PTPRG: variants seen among roughly 807,000 people sequenced by gnomAD.
PTPRG encodes receptor-type tyrosine-protein phosphatase gamma.
A neutral mutation model predicts 165.3 loss-of-function variants in PTPRG; 102 were observed. That is an observed-to-expected ratio of 0.62 (90% CI 0.53 to 0.73). The LOEUF (loss-of-function observed/expected upper bound fraction) is 0.73, where lower values mean the gene tolerates loss of function less well. PTPRG is among the 30% of genes least tolerant of loss of function. PTPRG has a pLI of 0.00. For missense variants in PTPRG, 1,866 were observed against 1,861.4 expected (o/e 1.00, Z -0.05); for synonymous variants, 675 against 669.5 (o/e 1.01, Z -0.13).
chr3:61,681,804 C>A (rs1003787003), intron 1 of PTPRG, among the ~76,000 whole-genome samples: 2 of 151,938 alleles, frequency 1.3e-5, no homozygotes, highest in Non-Finnish European at 2.9e-5. Flanking sequence ...ATGTTGTTGA[C>A]CATGGAGGAA....
chr3:62,213,396 T>A lies in PTPRG; in HGVS notation c.2156-5455T>A, dbSNP rs1567274. 0.97 allele frequency among the ~76,000 whole-genome samples: 148,313 copies of A among 152,198 alleles called. 72,389 individuals carry two copies. The highest frequency in any genetic ancestry group is 1 in the East Asian group (5,166 of 5,166). Reference sequence around the variant, plus strand: ...TACTGTCACCTTCTCAAAACTCTTTTATAACTTTCGAATGGGCCCCATGAT... The same window carrying A: ...TACTGTCACCTTCTCAAAACTCTTTAATAACTTTCGAATGGGCCCCATGAT... On this transcript the variant is annotated intron_variant, in intron 12 of 29. Transcript: ENST00000474889. The surrounding 1 kb of genome is among the most constrained non-coding windows in gnomAD (Gnocchi z 4.4).
rs747382591 is a variant in PTPRG at position 62,203,180 on chromosome 3, C to T, written c.1385C>T (p.Ala462Val). ...TRIVKTGVPT[A>V]SPASSADMAP... ...CCGGGTGACCCTTTCCAGCCCACAG[C>T]GTCTCCTGCCTCTTCAGCCGACATG... is the stretch of plus-strand genomic sequence containing the variant. The change falls in exon 12 of 30, where the codon GCG (alanine) becomes GTG (valine). Residue 462 changes from alanine (A) to valine (V), a missense_variant. Physicochemically the swap from Ala to Val is moderately conservative, Grantham distance 64. Around this residue, in one of 3 missense-constraint regions of PTPRG, gnomAD observed 1,452 missense variants for 1,463.0 expected, o/e 0.99. Transcript: ENST00000474889. This position sits in a 1 kb window ranked among gnomAD's most constrained non-coding sequence, Gnocchi z 6.4. 21 of 1,584,158 alleles carry T rather than the reference C, an allele frequency of 1.3e-5. No individual in the cohort carries two copies. Among genetic ancestry groups the T allele is most frequent in the Admixed American group, 5.3e-5 (3 of 57,040 alleles).
At chr3:61,804,843 G>A (rs1187440922) in intron 2 of PTPRG, among the ~76,000 whole-genome samples, 2 of 152,334 alleles carry the variant, frequency 1.3e-5, no homozygotes, top group Admixed American at 1.3e-4. Context: ...CAGTTTTGAA[G>A]CATAGGATTT....
chr3:62,011,526 G>A (rs536958246), intron 4 of PTPRG, among the ~76,000 whole-genome samples: 4 of 151,914 alleles, frequency 2.6e-5, no homozygotes, highest in Non-Finnish European at 1.5e-5. Flanking sequence ...TAGCCTAGTA[G>A]TGACTTCCAT....
chr3:61,851,445 T>A (rs539400946), intron 2 of PTPRG, among the ~76,000 whole-genome samples: 1 of 152,310 alleles, frequency 6.6e-6, no homozygotes, highest in Non-Finnish European at 1.5e-5. Flanking sequence ...AGATGCTTGG[T>A]GGCCAGAAAA....
intron 2 of PTPRG, among the ~76,000 whole-genome samples, chr3:61,826,379 G>A (rs1487310517): frequency 3.9e-5 from 6 of 152,090 alleles, no homozygotes; most frequent in African/African-American, 7.2e-5. Context: ...AATGACATGC[G>A]GGTTATTGTT....
chr3:62,122,030 C>T (rs1703093711), intron 5 of PTPRG, among the ~76,000 whole-genome samples: 1 of 152,152 alleles, frequency 6.6e-6, no homozygotes, highest in Admixed American at 6.5e-5. Context: ...CTATGTCCTC[C>T]TCGAGATGGG....
chr3:61,612,939 G>A (rs1198024313), intron 1 of PTPRG, among the ~76,000 whole-genome samples: 1 of 152,068 alleles, frequency 6.6e-6, no homozygotes, highest in African/African-American at 2.4e-5. Context: ...ACCAGAGGAT[G>A]ACAAAGGACA....
At chr3:61,863,308 A>C (rs1371106124) in intron 2 of PTPRG, among the ~76,000 whole-genome samples, 1 of 152,168 alleles carries the variant, frequency 6.6e-6, no homozygotes, top group Non-Finnish European at 1.5e-5. Context: ...CCTTCCTTGG[A>C]GATGTTCATG....
At chr3:62,231,833 T>TA (rs1700909703) in intron 14 of PTPRG, among the ~76,000 whole-genome samples, 1 of 151,654 alleles carries the variant, frequency 6.6e-6, no homozygotes, top group African/African-American at 2.4e-5. Context: ...TTTTTTTTTT[T>TA]TAAAAAAAGG....
chr3:61,681,184 C>CT (rs1161072067), intron 1 of PTPRG, among the ~76,000 whole-genome samples: 1 of 151,626 alleles, frequency 6.6e-6, no homozygotes, highest in East Asian at 1.9e-4. Context: ...TTGTGAAAAG[C>CT]TTCTTTTCTT....
rs774262138 is a variant in PTPRG at position 62,080,061 on chromosome 3, C to CTTTTTTTT, written c.615+1803_615+1804insTTTTTTTT. 1.3e-4 allele frequency among the ~76,000 whole-genome samples: 15 copies of CTTTTTTTT among 111,568 alleles called. 3 individuals carry two copies. The highest frequency in any genetic ancestry group is 1.7e-4 in the Non-Finnish European group (9 of 54,496). 73.2% of individuals were successfully genotyped at this position (111,568 alleles called of 152,430 possible). The stretch of plus-strand genomic sequence containing the variant: ...GAGTTCTGTCTGGACCCCTTCGGTT[C>CTTTTTTTT]ATTTTTTTTTTTTTTTTTTTTGAGA... On this transcript the variant is annotated intron_variant, in intron 5 of 29. Coordinates refer to ENST00000474889, the MANE Select transcript of PTPRG (RefSeq NM_002841.4).
At chr3:62,063,344 T>G (rs1264427023) in intron 4 of PTPRG, among the ~76,000 whole-genome samples, 4 of 152,184 alleles carry the variant, frequency 2.6e-5, no homozygotes, top group Admixed American at 2.0e-4. Context: ...ACTAAAGCCT[T>G]TATCCAGTTC....
At chr3:61,773,612 G>A (rs189189343) in intron 2 of PTPRG, among the ~76,000 whole-genome samples, 159 of 152,216 alleles carry the variant, frequency 1.0e-3, no homozygotes, top group African/African-American at 3.7e-3. Flanking sequence ...AGGAGAGTAT[G>A]ATTACTGCTG....
intron 4 of PTPRG, among the ~76,000 whole-genome samples, chr3:62,012,132 A>G (rs917421950): frequency 6.6e-6 from 1 of 152,166 alleles, no homozygotes; most frequent in Non-Finnish European, 1.5e-5. Context: ...GACACGACCT[A>G]TATCAGGCAC....
intron 26 of PTPRG, among the ~76,000 whole-genome samples, chr3:62,280,590 A>G (rs1264732798): frequency 6.6e-6 from 1 of 151,984 alleles, no homozygotes; most frequent in Admixed American, 6.6e-5. Flanking sequence ...TAACAAAGAA[A>G]ACTCTCACAC....
At chr3:61,846,879 C>T (rs1418049933) in intron 2 of PTPRG, among the ~76,000 whole-genome samples, 1 of 152,122 alleles carries the variant, frequency 6.6e-6, no homozygotes, top group Non-Finnish European at 1.5e-5. Context: ...GGCACCACTG[C>T]ACTCCAGTCT....
At chr3:62,098,753 G>A (rs1272343867) in intron 5 of PTPRG, among the ~76,000 whole-genome samples, 1 of 152,164 alleles carries the variant, frequency 6.6e-6, no homozygotes, top group Non-Finnish European at 1.5e-5. Context: ...GAATATTCTA[G>A]AAGACATGCT....
chr3:61,813,535 A>G (rs1214000374), intron 2 of PTPRG, among the ~76,000 whole-genome samples: 2 of 131,470 alleles, frequency 1.5e-5, no homozygotes, highest in East Asian at 4.6e-4. Flanking sequence ...AAAAAGAAAA[A>G]AGAAAATCTG....
Sources: gnomAD v4.1 joint callset for allele counts (sites outside exome capture counted in the v4.1 genomes callset) on GRCh38, gnomAD v4.1.1 for gene constraint, gnomAD v4.1.1 regional missense constraint, Gnocchi (gnomAD v3.1) non-coding constraint, MANE v1.5 for transcripts, NCBI Gene and HGNC (gene_info 2026-07-23, HGNC 2026-07-21) for gene names.